SEMA3E: variants seen among roughly 807,000 people sequenced by gnomAD.
SEMA3E encodes semaphorin 3E.
Under a neutral mutation model 93.6 loss-of-function variants are expected in SEMA3E, and 49 were observed. The ratio of observed to expected loss-of-function variants is 0.52; its 90% CI spans 0.42 to 0.66. The LOEUF (loss-of-function observed/expected upper bound fraction) is 0.66, where lower values mean the gene tolerates loss of function less well. SEMA3E is among the 30% of genes least tolerant of loss of function. SEMA3E has a pLI of 0.00. For missense variants in SEMA3E, 906 were observed against 964.8 expected, an observed-to-expected ratio of 0.94 and a Z score of 0.81; for synonymous variants, 363 against 330.7, an observed-to-expected ratio of 1.10 and a Z score of -1.06.
intron 1 of SEMA3E, among the ~76,000 whole-genome samples, chr7:83,531,048 T>A (rs1001840302): frequency 1.3e-5 from 2 of 152,134 alleles, no homozygotes; most frequent in Non-Finnish European, 2.9e-5. Flanking sequence ...TACCAAGGAT[T>A]ATTTTTAAGA....
chr7:83,498,432 T>C (rs1392597171), intron 1 of SEMA3E, among the ~76,000 whole-genome samples: 1 of 152,142 alleles, frequency 6.6e-6, no homozygotes, highest in Non-Finnish European at 1.5e-5. Flanking sequence ...ATTTATGAAA[T>C]TTAGAGATAA....
intron 9 of SEMA3E, among the ~76,000 whole-genome samples, chr7:83,404,578 A>AT (rs1293656158): frequency 6.6e-6 from 1 of 151,914 alleles, no homozygotes; most frequent in Non-Finnish European, 1.5e-5. Context: ...TGATTCTAAT[A>AT]TTTTTATTTG....
intron 4 of SEMA3E, among the ~76,000 whole-genome samples, chr7:83,464,618 C>A (rs1789710724): frequency 6.9e-6 from 1 of 145,964 alleles, no homozygotes; most frequent in Admixed American, 7.2e-5. Flanking sequence ...AGTCCCAATT[C>A]TTAGACCTTT....
intron 1 of SEMA3E, among the ~76,000 whole-genome samples, chr7:83,591,029 G>A (rs1243094371): frequency 4.7e-5 from 7 of 149,666 alleles, no homozygotes; most frequent in African/African-American, 1.7e-4. Flanking sequence ...TTGTTCTTGA[G>A]CAGGAAGTTT....
Position 83,384,234 on chromosome 7 carries a change from A to C in SEMA3E, c.1875+1060T>G, listed in dbSNP as rs146429944. 7.3e-3 allele frequency among the ~76,000 whole-genome samples: 1,115 copies of C among 152,160 alleles called. 17 individuals are homozygous for C. The highest frequency in any genetic ancestry group is 0.025 in the African/African-American group (1,036 of 41,542). On this transcript the variant is annotated intron_variant, in intron 16 of 16. Transcript: ENST00000643230. The stretch of plus-strand genomic sequence containing the variant: ...ACGATAGGCTAGGAAAAAAGGAATA[A>C]AAAGTTCAAAGTGTTCCGCATTTGG...
intron 1 of SEMA3E, among the ~76,000 whole-genome samples, chr7:83,501,218 G>A (rs757557441): frequency 1.3e-5 from 2 of 151,904 alleles, no homozygotes; most frequent in East Asian, 1.9e-4. Flanking sequence ...TATTTCATTC[G>A]TTCAATCTGC....
At chr7:83,581,353 T>A (rs1374464627) in intron 1 of SEMA3E, among the ~76,000 whole-genome samples, 2 of 151,972 alleles carry the variant, frequency 1.3e-5, no homozygotes, top group Admixed American at 6.6e-5. Flanking sequence ...CAGCCATGGA[T>A]CTTTAATTAT....
intron 1 of SEMA3E, among the ~76,000 whole-genome samples, chr7:83,551,901 T>C (rs1791772737): frequency 6.6e-6 from 1 of 152,082 alleles, no homozygotes; most frequent in South Asian, 2.1e-4. Context: ...TCTCCAAATA[T>C]AGAACATAAA....
intron 1 of SEMA3E, among the ~76,000 whole-genome samples, chr7:83,532,447 C>T (rs1791321071): frequency 1.3e-5 from 2 of 152,138 alleles, no homozygotes; most frequent in African/African-American, 4.8e-5. Flanking sequence ...TGGCACATCA[C>T]AGGAATTTAA....
At chr7:83,628,979 T>A (rs1029071946) in intron 1 of SEMA3E, among the ~76,000 whole-genome samples, 1 of 152,112 alleles carries the variant, frequency 6.6e-6, no homozygotes, top group Non-Finnish European at 1.5e-5. Context: ...TGAGTAGTCA[T>A]CCTTTCAGTT....
intron 1 of SEMA3E, among the ~76,000 whole-genome samples, chr7:83,579,651 G>A (rs1792480242): frequency 6.6e-6 from 1 of 152,078 alleles, no homozygotes; most frequent in Admixed American, 6.6e-5. Flanking sequence ...CCAGGTCCCA[G>A]TTAATTGACA....
chr7:83,426,302 A>G, intron 4 of SEMA3E, among the ~76,000 whole-genome samples: 1 of 152,246 alleles, frequency 6.6e-6, no homozygotes, highest in East Asian at 1.9e-4. Context: ...ATTATTCACC[A>G]TAGCAAAGAC....
intron 1 of SEMA3E, among the ~76,000 whole-genome samples, chr7:83,528,915 C>G (rs979086831): frequency 6.6e-6 from 1 of 151,852 alleles, no homozygotes; most frequent in African/African-American, 2.4e-5. Context: ...GGTTTAAATA[C>G]GTGAAAAATA....
chr7:83,505,402 C>T (rs1790680492), intron 1 of SEMA3E, among the ~76,000 whole-genome samples: 1 of 152,014 alleles, frequency 6.6e-6, no homozygotes, highest in Admixed American at 6.6e-5. Flanking sequence ...GATCATATCC[C>T]TAAAAATAAA....
chr7:83,502,884 C>G (rs975040266), intron 1 of SEMA3E, among the ~76,000 whole-genome samples: 1 of 151,996 alleles, frequency 6.6e-6, no homozygotes, highest in South Asian at 2.1e-4. Context: ...AATGAATGAA[C>G]TTTTCTGTGT....
intron 1 of SEMA3E, among the ~76,000 whole-genome samples, chr7:83,632,834 A>G (rs1793813746): frequency 6.6e-6 from 1 of 152,182 alleles, no homozygotes; most frequent in African/African-American, 2.4e-5. Flanking sequence ...ACTATTACAA[A>G]ATGAAATGGA....
Position 83,396,713 on chromosome 7 carries a change from C to A in SEMA3E, c.1383G>T (p.Leu461=), listed in dbSNP as rs139043841. Residue 461 remains leucine (L), a synonymous_variant, in exon 12 of 17, where the codon CTG becomes CTT. Transcript: ENST00000643230. The part of the protein sequence containing the change: ...LFIGTDNGIV[L]KVITIYNQEM... ...CTTGGTTGTAAATTGTGATTACTTT[C>A]AGCACAATTCCATTATCTGTAAGAA... 10 of 1,595,872 alleles carry A rather than the reference C, an allele frequency of 6.3e-6. No homozygotes were observed. The African/African-American group carries it at 1.3e-4, about 21-fold the overall frequency.
intron 1 of SEMA3E, among the ~76,000 whole-genome samples, chr7:83,573,911 AATTAATTT>A (rs563331513): frequency 1.6e-4 from 24 of 151,964 alleles, no homozygotes; most frequent in Non-Finnish European, 3.5e-4. Flanking sequence ...TTAAAGCTCT[AATTAATTT>A]ATTACTAGCT....
At chr7:83,636,008 C>T (rs878918906) in intron 1 of SEMA3E, among the ~76,000 whole-genome samples, 1 of 151,704 alleles carries the variant, frequency 6.6e-6, no homozygotes, top group Non-Finnish European at 1.5e-5. Context: ...TTCTTGTATT[C>T]ATTCTTTTTC....
Sources: allele counts gnomAD v4.1 joint callset (sites outside exome capture counted in the v4.1 genomes callset), GRCh38; gene constraint gnomAD v4.1.1; transcripts MANE v1.5; gene names NCBI Gene and HGNC (gene_info 2026-07-23, HGNC 2026-07-21).